PRKCE: variants seen among roughly 807,000 people sequenced by gnomAD.
PRKCE encodes the protein protein kinase C epsilon type.
In PRKCE, 16 loss-of-function variants were observed where a neutral mutation model predicts 85.4. The ratio of observed to expected loss-of-function variants is 0.19; its 90% CI spans 0.13 to 0.28. The LOEUF (loss-of-function observed/expected upper bound fraction) is 0.28, where lower values mean the gene tolerates loss of function less well. Ranked by LOEUF, PRKCE falls within the 10% of genes least tolerant of loss-of-function variation. The pLI, the probability that PRKCE is intolerant of heterozygous loss-of-function variation, is 1.00. For synonymous variants in PRKCE, 388 were observed against 371.5 expected (o/e 1.04, Z -0.51); for missense variants, 573 against 975.2 (o/e 0.59, Z 5.49).
At chr2:45,748,538 G>A (rs896196336) in intron 1 of PRKCE, among the ~76,000 whole-genome samples, 6 of 152,206 alleles carry the variant, frequency 3.9e-5, no homozygotes, top group African/African-American at 1.2e-4. Context: ...CCTTCTGCAC[G>A]TTTAGATCTC....
At chr2:45,845,556 A>G (rs1271872805) in intron 2 of PRKCE, 1 of 152,190 alleles carries the variant, frequency 6.6e-6, no homozygotes, top group Non-Finnish European at 1.5e-5. Context: ...TGGGAATTGC[A>G]CAAAGTTTAC....
intron 11 of PRKCE, among the ~76,000 whole-genome samples, chr2:46,142,710 G>T (rs1274065319): frequency 6.6e-6 from 1 of 152,252 alleles, no homozygotes; most frequent in Non-Finnish European, 1.5e-5. Flanking sequence ...GGCCAGTGCA[G>T]GGGCAGGCAA....
chr2:45,659,865 C>T (rs1026933772), intron 1 of PRKCE, among the ~76,000 whole-genome samples: 3 of 147,916 alleles, frequency 2.0e-5, no homozygotes, highest in African/African-American at 7.6e-5. Flanking sequence ...TTTACTCTTA[C>T]CTCTATCTGA....
intron 14 of PRKCE, among the ~76,000 whole-genome samples, chr2:46,173,797 G>A (rs7601785): frequency 0.17 from 25,555 of 152,222 alleles, 2,327 homozygotes; most frequent in African/African-American, 0.21. Flanking sequence ...CCAGACAAAC[G>A]ATAGTTGGCT....
chr2:46,067,209 C>T (rs1333716265), intron 10 of PRKCE, among the ~76,000 whole-genome samples: 1 of 152,204 alleles, frequency 6.6e-6, no homozygotes, highest in African/African-American at 2.4e-5. Context: ...AATGTTCAGC[C>T]TGGTCCTATA....
rs879549796 is a variant in PRKCE, at chr2:45,956,055, G to A, written c.413-20374G>A. On this transcript the variant is annotated intron_variant, in intron 2 of 14. Coordinates refer to ENST00000306156, the MANE Select transcript of PRKCE (RefSeq NM_005400.3). ...TCCAGAATGTTGTTTAAATGGAATC[G>A]TACAGTATATGTGTAGCCTTTTGAG... is the stretch of plus-strand genomic sequence containing the variant. 2.6e-4 allele frequency among the ~76,000 whole-genome samples: 39 copies of A among 152,206 alleles called. No individual in the cohort carries two copies. The East Asian group carries it at 4.1e-3, about 16-fold the overall frequency.
At chr2:46,088,779 C>T (rs781341015) in intron 11 of PRKCE, among the ~76,000 whole-genome samples, 1 of 152,128 alleles carries the variant, frequency 6.6e-6, no homozygotes, top group Non-Finnish European at 1.5e-5. Flanking sequence ...ATGCCTTCCC[C>T]ATCTCTAATA....
chr2:45,843,872 C>A (rs1457696014), intron 2 of PRKCE, among the ~76,000 whole-genome samples: 1 of 152,206 alleles, frequency 6.6e-6, no homozygotes, highest in Non-Finnish European at 1.5e-5. Flanking sequence ...GGCTTTAATG[C>A]CATGGCAGGG....
At chr2:45,911,893 G>A (rs1573848412) in intron 2 of PRKCE, among the ~76,000 whole-genome samples, 1 of 152,198 alleles carries the variant, frequency 6.6e-6, no homozygotes, top group Non-Finnish European at 1.5e-5. Context: ...GTGTGTCCTG[G>A]TCTCTGGTAA....
intron 10 of PRKCE, among the ~76,000 whole-genome samples, chr2:46,036,099 G>T (rs1707839240): frequency 6.6e-6 from 1 of 152,226 alleles, no homozygotes; most frequent in African/African-American, 2.4e-5. Context: ...TCATATGCCT[G>T]GGGGAGGAGT....
chr2:45,776,593 T>A (rs144359156), intron 1 of PRKCE, among the ~76,000 whole-genome samples: 14 of 152,314 alleles, frequency 9.2e-5, no homozygotes, highest in African/African-American at 3.4e-4. Context: ...GCTCGCAAAC[T>A]TATTTGCTTT....
At chr2:45,758,608 A>G (rs1339843858) in intron 1 of PRKCE, among the ~76,000 whole-genome samples, 1 of 152,184 alleles carries the variant, frequency 6.6e-6, no homozygotes, top group African/African-American at 2.4e-5. Flanking sequence ...CAGCCACTAT[A>G]TTGAAAATTG....
intron 2 of PRKCE, among the ~76,000 whole-genome samples, chr2:45,959,609 G>A (rs1701243577): frequency 6.6e-6 from 1 of 152,162 alleles, no homozygotes; most frequent in Admixed American, 6.5e-5. Context: ...GCTGGGCACA[G>A]GATGGCTCAG....
intron 10 of PRKCE, among the ~76,000 whole-genome samples, chr2:46,029,606 T>G (rs1482106779): frequency 6.6e-6 from 1 of 151,822 alleles, no homozygotes; most frequent in Non-Finnish European, 1.5e-5. Flanking sequence ...GAGCAGGTCC[T>G]AGACCAAGAG....
At chr2:45,820,074 G>T (rs1689398868) in intron 1 of PRKCE, among the ~76,000 whole-genome samples, 1 of 152,146 alleles carries the variant, frequency 6.6e-6, no homozygotes, top group Non-Finnish European at 1.5e-5. Context: ...AAAGGAGGAT[G>T]TTTTAAGTGG....
chr2:45,844,207 A>C (rs1691591774), intron 2 of PRKCE, among the ~76,000 whole-genome samples: 2 of 152,196 alleles, frequency 1.3e-5, no homozygotes, highest in Non-Finnish European at 2.9e-5. Context: ...GAATTCAATA[A>C]TTGTGTGTAT....
At chr2:45,653,370 G>GGT (rs1675220413) in intron 1 of PRKCE, among the ~76,000 whole-genome samples, 2 of 61,466 alleles carry the variant, frequency 3.3e-5, no homozygotes, top group African/African-American at 1.1e-4. Context: ...TTTTTGGGTT[G>GGT]TTTTTTTTTT....
chr2:46,182,397 T>G (rs1203916690), intron 14 of PRKCE, among the ~76,000 whole-genome samples: 1 of 152,138 alleles, frequency 6.6e-6, no homozygotes, highest in Non-Finnish European at 1.5e-5. Context: ...CTTTTCCTCT[T>G]GTTCTGTACA....
chr2:45,751,291 T>A (rs1336207637), intron 1 of PRKCE, among the ~76,000 whole-genome samples: 2 of 152,234 alleles, frequency 1.3e-5, no homozygotes, highest in Non-Finnish European at 2.9e-5. Flanking sequence ...CATAATAATA[T>A]GAACTGAGAT....
Sources: allele counts gnomAD v4.1 joint callset (sites outside exome capture counted in the v4.1 genomes callset), GRCh38; gene constraint gnomAD v4.1.1; transcripts MANE v1.5; gene names NCBI Gene and HGNC (gene_info 2026-07-23, HGNC 2026-07-21).